AHNAK: variants seen among roughly 807,000 people sequenced by gnomAD.
AHNAK encodes the protein AHNAK nucleoprotein.
AHNAK carries 23 observed loss-of-function variants against 37.8 expected under a neutral mutation model. That is an observed-to-expected ratio of 0.61 (90% CI 0.44 to 0.86). The LOEUF is 0.86. AHNAK is among the 40% of genes least tolerant of loss of function. The probability of loss-of-function intolerance (pLI) is 0.00; values close to 1 mark genes in which losing one functional copy is unlikely to be tolerated. For missense variants in AHNAK, 7,411 were observed against 7,319.4 expected, an observed-to-expected ratio of 1.01 and a Z score of -0.46; for synonymous variants, 2,481 against 2,636.3, an observed-to-expected ratio of 0.94 and a Z score of 1.80.
chr11:62,533,056 G>A lies in AHNAK; in HGVS notation c.1361C>T (p.Thr454Ile). The A allele has an allele frequency of 3.1e-6, 5 of 1,611,040 alleles. No individual in the cohort carries two copies. The highest frequency in any genetic ancestry group is 4.2e-6 in the Non-Finnish European group (5 of 1,179,000). Residue 454 changes from threonine to isoleucine, a missense_variant, in exon 5 of 5, where the codon ACA becomes ATA. Physicochemically the swap from Thr to Ile is moderately conservative, Grantham distance 89. Transcript: ENST00000378024. ...AACAGTCACTTCACCTGTAGGCAGT[G>A]TCACATCAATCCCAGTTTCCTCTCC... ...AKGEETGIDV[T>I]LPTGEVTVPG...
Position 62,518,522 on chromosome 11 carries a change from C to T in AHNAK, c.15895G>A (p.Gly5299Arg), listed in dbSNP as rs1193388165. Residue 5299 changes from glycine (G) to arginine (R), a missense_variant, in exon 5 of 5, where the codon GGG becomes AGG. Transcript: ENST00000378024. The stretch of plus-strand genomic sequence containing the variant: ...TTCAAGTTCAGATCAAGGTCAGGCC[C>T]AGAGACTTTTGGCATAGAGAGGTTC... The part of the protein sequence containing the change: ...SVNLSMPKVS[G>R]PDLDLNLKGP... 5.0e-6 allele frequency: 8 copies of T among 1,613,998 alleles called. No homozygotes were observed. Among genetic ancestry groups the T allele is most frequent in the Non-Finnish European group, 5.9e-6 (7 of 1,180,036 alleles).
In AHNAK at chr11:62,523,809, C is replaced by T; in HGVS notation, c.10608G>A (p.Met3536Ile). The T allele has an allele frequency of 1.2e-6, 2 of 1,614,120 alleles. No homozygotes were observed. The highest frequency in any genetic ancestry group is 1.7e-6 in the Non-Finnish European group (2 of 1,180,014). Residue 3536 changes from methionine to isoleucine, a missense_variant, in exon 5 of 5, where the codon ATG becomes ATA. Physicochemically the swap from Met to Ile is conservative, Grantham distance 10. Transcript: ENST00000378024. The stretch of plus-strand genomic sequence containing the variant: ...TGGAGATCTTGGGAGCTTTGATATT[C>T]ATGTCAGGCATCTTGAATTTGGGAC... ...LKGPKFKMPD[M>I]NIKAPKISMP...
At chr11:62,510,678 A>T (rs1486435552) in intron 4 of AHNAK, among the ~76,000 whole-genome samples, 1 of 152,028 alleles carries the variant, frequency 6.6e-6, no homozygotes, top group African/African-American at 2.4e-5. Flanking sequence ...CAGGAGGTGG[A>T]GGTTGTGGTG....
chr11:62,534,898 G>A (rs1305044402), intron 4 of AHNAK, 105 bp downstream of exon 4: 2 of 1,235,776 alleles, frequency 1.6e-6, no homozygotes, highest in East Asian at 4.7e-5. Context: ...AGAAGAAGGA[G>A]CAAAAAGAGA....
intron 4 of AHNAK, 50 bp downstream of exon 4, chr11:62,534,953 C>A (rs1341568447): frequency 5.1e-6 from 8 of 1,573,772 alleles, no homozygotes; most frequent in Non-Finnish European, 6.1e-6. Context: ...GTCAGCAGGC[C>A]GGCATGGCCG....
In AHNAK at chr11:62,523,689, C is replaced by G. The variant is rs113069251; in HGVS notation, c.10728G>C (p.Glu3576Asp). The G allele has an allele frequency of 5.0e-6, 8 of 1,613,302 alleles. No individual in the cohort carries two copies. Among genetic ancestry groups the G allele is most frequent in the South Asian group, 1.1e-5 (1 of 91,024 alleles). The change falls in exon 5 of 5, where the codon GAG becomes GAC. Residue 3576 changes from glutamate to aspartate, a missense_variant. Coordinates refer to ENST00000378024, the MANE Select transcript of AHNAK (RefSeq NM_001620.3). ...PKLEGDLKGPEVDIKGPKVDI... is the reference protein window; with the variant it reads ...PKLEGDLKGPDVDIKGPKVDI... ...CCACTTTAGGGCCTTTGATATCAAC[C>G]TCTGGCCCTTTCAGATCCCCTTCAA...
At position 62,520,223 on chromosome 11, in the gene AHNAK, C is replaced by T. The variant is rs535836999; in HGVS notation, c.14194G>A (p.Gly4732Arg). 1 of 1,612,856 alleles carries T rather than the reference C, an allele frequency of 6.2e-7. No homozygotes were observed. The highest frequency in any genetic ancestry group is 1.7e-5 in the Admixed American group (1 of 59,828). Residue 4732 changes from glycine (G) to arginine (R), a missense_variant, in exon 5 of 5, where the codon GGA becomes AGA. Transcript: ENST00000378024. ...SMPDIDLNLK[G>R]PKVKGDVDVT... ...TCCACATCGCCCTTCACTTTGGGTC[C>T]TTTCAGGTTTAAGTCAATATCAGGC...
intron 5 of AHNAK, among the ~76,000 whole-genome samples, chr11:62,470,370 C>A (rs1285873636): frequency 6.6e-6 from 1 of 151,798 alleles, no homozygotes; most frequent in South Asian, 2.1e-4. Flanking sequence ...CGCTTGAACC[C>A]GGGAGGTGGA....
At chr11:62,452,563 T>A (rs1315398030) in intron 5 of AHNAK, among the ~76,000 whole-genome samples, 1 of 152,158 alleles carries the variant, frequency 6.6e-6, no homozygotes, top group Non-Finnish European at 1.5e-5. Context: ...AGGGACGGCC[T>A]CATTCAAGCC....
At chr11:62,489,883 TAACCAAACAGAC>T (rs1939469311) in intron 5 of AHNAK, among the ~76,000 whole-genome samples, 1 of 152,134 alleles carries the variant, frequency 6.6e-6, no homozygotes, top group African/African-American at 2.4e-5. Flanking sequence ...AAAGTCATCC[TAACCAAACAGAC>T]GTCAACATGA....
chr11:62,438,182 T>TC (rs199658779), intron 5 of AHNAK, among the ~76,000 whole-genome samples: 1,344 of 102,852 alleles, frequency 0.013, 32 homozygotes, highest in African/African-American at 0.046. Context: ...TCTTTCTCTC[T>TC]TTTTTTTTTT....
At position 62,518,085 on chromosome 11, in the gene AHNAK, C is replaced by T; in HGVS notation, c.16332G>A (p.Gly5444=). The change falls in exon 5 of 5, where the codon GGG becomes GGA. Residue 5444 remains glycine (G), a synonymous_variant. Transcript: ENST00000378024. Reference sequence around the variant, plus strand: ...CCACATTCGGTGCTGAAATCCGAGGCCCTTTCAGGTTCACATCCACACCTG... The same window carrying T: ...CCACATTCGGTGCTGAAATCCGAGGTCCTTTCAGGTTCACATCCACACCTG... ...KGPGVDVNLK[G]PRISAPNVDF... 1 of 1,614,198 alleles carries T rather than the reference C, an allele frequency of 6.2e-7. No homozygotes were observed. Among genetic ancestry groups the T allele is most frequent in the Non-Finnish European group, 8.5e-7 (1 of 1,180,030 alleles).
At chr11:62,542,245 T>C (rs551935331) in intron 1 of AHNAK, among the ~76,000 whole-genome samples, 2 of 152,022 alleles carry the variant, frequency 1.3e-5, no homozygotes, top group Non-Finnish European at 2.9e-5. Context: ...CGGCTCACAA[T>C]AGACAGTTGT....
rs961715862 is a variant in AHNAK at position 62,527,390 on chromosome 11, C to A, written c.7027G>T (p.Gly2343Cys). ...GGACCTTTGACATCCAATTCTGGACCTTTTAACTCTCCCTCCAGCTTTGGG... is the reference window on the plus strand; with the variant it reads ...GGACCTTTGACATCCAATTCTGGACATTTTAACTCTCCCTCCAGCTTTGGG... The part of the protein sequence containing the change: ...SAPKLEGELK[G>C]PELDVKGPKL... Residue 2343 changes from glycine (G) to cysteine (C), a missense_variant, in exon 5 of 5, where the codon GGT (glycine) becomes TGT (cysteine). Gly to Cys is a radical substitution (Grantham distance 159). Transcript: ENST00000378024. 3.1e-6 allele frequency: 5 copies of A among 1,614,082 alleles called. No individual in the cohort carries two copies. The Admixed American group carries it at 5.0e-5, about 16-fold the overall frequency.
rs1242447882 is a variant in AHNAK, at chr11:62,528,015, A to T, written c.6402T>A (p.Asp2134Glu). The change falls in exon 5 of 5, where the codon GAT (aspartate) becomes GAA (glutamate). Residue 2134 changes from aspartate (D) to glutamate (E), a missense_variant. Physicochemically the swap from Asp to Glu is conservative, Grantham distance 45. Transcript: ENST00000378024. ...CCAATTTTGGCAAAGACACATCCAC[A>T]TCCCCTTTGACTTTGGGGCCTTTCA... The part of the protein sequence containing the change: ...LHLKGPKVKG[D>E]VDVSLPKLEG... 6.2e-7 allele frequency: 1 copy of T among 1,613,382 alleles called. No individual in the cohort carries two copies. The highest frequency in any genetic ancestry group is 2.2e-5 in the East Asian group (1 of 44,838).
chr11:62,525,959 T>C lies in AHNAK; in HGVS notation c.8458A>G (p.Ser2820Gly). The stretch of plus-strand genomic sequence containing the variant: ...ATCTCTGGCATCTTAAACTTTGGAC[T>C]TTTCCACTTTCCTTCAGGTCCTTCG... ...NIEGPEGKWK[S>G]PKFKMPEMHF... Residue 2820 changes from serine (S) to glycine (G), a missense_variant, in exon 5 of 5, where the codon AGT becomes GGT. Transcript: ENST00000378024. 1 of 1,613,782 alleles carries C rather than the reference T, an allele frequency of 6.2e-7. No homozygotes were observed. Among genetic ancestry groups the C allele is most frequent in the Non-Finnish European group, 8.5e-7 (1 of 1,179,924 alleles).
chr11:62,472,302 C>T (rs919346629), intron 5 of AHNAK, among the ~76,000 whole-genome samples: 1 of 152,126 alleles, frequency 6.6e-6, no homozygotes, highest in East Asian at 1.9e-4. Context: ...TGACCCAGAC[C>T]CTCCCCACTG....
intron 5 of AHNAK, among the ~76,000 whole-genome samples, chr11:62,489,934 G>T (rs946246390): frequency 1.3e-5 from 2 of 152,048 alleles, no homozygotes; most frequent in Non-Finnish European, 2.9e-5. Context: ...GAGGGGGCAG[G>T]GTGTTTCATG....
At chr11:62,490,202 T>A (rs111657182) in intron 5 of AHNAK, among the ~76,000 whole-genome samples, 2 of 139,394 alleles carry the variant, frequency 1.4e-5, no homozygotes, top group African/African-American at 5.3e-5. Flanking sequence ...TTTTTCTTTT[T>A]TTTTTTTTTT....
Sources: gnomAD v4.1 joint callset for allele counts (sites outside exome capture counted in the v4.1 genomes callset) on GRCh38, gnomAD v4.1.1 for gene constraint, MANE v1.5 for transcripts, NCBI Gene and HGNC (gene_info 2026-07-23, HGNC 2026-07-21) for gene names.